The following BPNT1 variants were observed in gnomAD, a reference collection of about 807,000 sequenced individuals.
The protein encoded by BPNT1 is 3'(2'),5'-bisphosphate nucleotidase 1.
Under a neutral mutation model 36.9 loss-of-function variants are expected in BPNT1, and 28 were observed. The ratio of observed to expected loss-of-function variants is 0.76; its 90% CI spans 0.56 to 1.04. The LOEUF (loss-of-function observed/expected upper bound fraction) is 1.04, where lower values mean the gene tolerates loss of function less well. BPNT1 is among the 50% of genes least tolerant of loss of function. The pLI is 0.00. For synonymous variants in BPNT1, 119 were observed against 130.9 expected, an observed-to-expected ratio of 0.91 and a Z score of 0.62; for missense variants, 313 against 372.9, an observed-to-expected ratio of 0.84 and a Z score of 1.32.
rs368855554 is a variant in BPNT1 at position 220,082,691 on chromosome 1, AT to A, written c.-8-2838del. On this transcript the variant is annotated intron_variant, in intron 1 of 8. Coordinates refer to ENST00000322067, the MANE Select transcript of BPNT1 (RefSeq NM_006085.6). Reference sequence around the variant, plus strand: ...AACCTCTGTCTCCCAGGCTCAAGTGATTCTTGTGCTTCAGCCTCCCGAGTAG... The same window carrying A: ...AACCTCTGTCTCCCAGGCTCAAGTGATCTTGTGCTTCAGCCTCCCGAGTAG... Among the ~76,000 whole-genome samples the A allele has an allele frequency of 3.0e-4, 45 of 151,522 alleles. 1 individual carries two copies. In the South Asian group the frequency reaches 9.2e-3, roughly 31 times the overall value.
intron 8 of BPNT1, 50 bp downstream of exon 8, chr1:220,059,632 AGCAT>A: frequency 1.7e-5 from 21 of 1,267,352 alleles, no homozygotes; most frequent in Non-Finnish European, 2.4e-5. Context: ...ATTATGTCTT[AGCAT>A]GATATAATTG....
Position 220,062,930 on chromosome 1 carries a change from T to C in BPNT1, c.499A>G (p.Arg167Gly). ...YEAGPDAVLG[R>G]TIWGVLGLGA... ...AAACCTAAAACTCCCCAGATTGTCC[T>C]CCCCAACACAGCATCTGGTCCTGCC... Residue 167 changes from arginine to glycine, a missense_variant, in exon 7 of 9, where the codon AGG (arginine) becomes GGG (glycine). Transcript: ENST00000322067. The C allele has an allele frequency of 6.2e-7, 1 of 1,613,994 alleles. No homozygotes were observed. The highest frequency in any genetic ancestry group is 8.5e-7 in the Non-Finnish European group (1 of 1,180,002).
intron 7 of BPNT1, among the ~76,000 whole-genome samples, chr1:220,060,402 G>A (rs1662914881): frequency 6.6e-6 from 1 of 152,072 alleles, no homozygotes; most frequent in South Asian, 2.1e-4. Flanking sequence ...TTTGAACCTG[G>A]GAGGTGGAGG....
chr1:220,082,350 T>G (rs181419347), intron 1 of BPNT1, among the ~76,000 whole-genome samples: 2,553 of 151,334 alleles, frequency 0.017, 37 homozygotes, highest in South Asian at 0.08. Context: ...TCGGCTAATT[T>G]TTGTATTTTT....
intron 6 of BPNT1, among the ~76,000 whole-genome samples, chr1:220,066,385 A>G (rs951527704): frequency 6.6e-6 from 1 of 152,192 alleles, no homozygotes; most frequent in Non-Finnish European, 1.5e-5. Context: ...TTTCTCAATA[A>G]CATATAACTC....
chr1:220,079,473 C>A (rs1664907169), intron 2 of BPNT1, among the ~76,000 whole-genome samples: 4 of 151,990 alleles, frequency 2.6e-5, no homozygotes. Context: ...AGGCTGGTCT[C>A]AAACTCCTGA....
intron 4 of BPNT1, 43 bp from the exon 5 acceptor site, chr1:220,069,475 A>G (rs779901878): frequency 2.0e-6 from 3 of 1,477,704 alleles, no homozygotes; most frequent in Non-Finnish European, 2.8e-6. Context: ...AATCAAGCAC[A>G]CAAAATTCTA....
At chr1:220,068,696 C>T (rs1316615910) in intron 5 of BPNT1, among the ~76,000 whole-genome samples, 3 of 151,764 alleles carry the variant, frequency 2.0e-5, no homozygotes, top group African/African-American at 2.4e-5. Context: ...CTGTAATCCC[C>T]GCTACTTGGG....
At position 220,058,489 on chromosome 1, in the gene BPNT1, T is replaced by C. The variant is rs79236937; in HGVS notation, c.*355A>G. 1,046 of 987,678 alleles carry C rather than the reference T, an allele frequency of 1.1e-3. 4 individuals are homozygous for C. In the African/African-American group the frequency reaches 0.017, roughly 16 times the overall value. The allele number at this position is 987,678 out of a possible 1,614,324, so 61.2% of individuals were successfully genotyped here. On this transcript the variant is annotated 3_prime_UTR_variant, in exon 9 of 9. Transcript: ENST00000322067. Reference sequence around the variant, plus strand: ...TGTATTATTTTGAGAACCAAGTCTTTCTCCTAGCTAAGTAAATGAAACTTT... The same window carrying C: ...TGTATTATTTTGAGAACCAAGTCTTCCTCCTAGCTAAGTAAATGAAACTTT...
In BPNT1 at chr1:220,057,593, G is replaced by C; in HGVS notation, c.*1251C>G. ...ATAGTTTATGTTATAATCTCTCATT[G>C]GAAGGAATAGAAGCAAGTACTTAGC... On this transcript the variant is annotated 3_prime_UTR_variant, in exon 9 of 9. Coordinates refer to ENST00000322067, the MANE Select transcript of BPNT1 (RefSeq NM_006085.6). 1 of 206,574 alleles carries C rather than the reference G, an allele frequency of 4.8e-6. No homozygotes were observed. The highest frequency in any genetic ancestry group is 1.0e-5 in the Non-Finnish European group (1 of 97,850). The allele number at this position is 206,574 out of a possible 1,614,324, so 12.8% of individuals were successfully genotyped here. A position where few individuals can be genotyped will look rare whatever the true frequency, so the allele number is the denominator to read the frequency against.
At position 220,059,534 on chromosome 1, in the gene BPNT1, T is replaced by C. The variant is rs1278496452; in HGVS notation, c.778+152A>G. Reference sequence around the variant, plus strand: ...GAAAATCTGCTCTCTCATCCATCTATCATATGAGGGGTTTGGACTGGATAA... The same window carrying C: ...GAAAATCTGCTCTCTCATCCATCTACCATATGAGGGGTTTGGACTGGATAA... On this transcript the variant is annotated intron_variant, in intron 8 of 8. Coordinates refer to ENST00000322067, the MANE Select transcript of BPNT1 (RefSeq NM_006085.6). 7 of 508,382 alleles carry C rather than the reference T, an allele frequency of 1.4e-5. No individual in the cohort carries two copies. In the East Asian group the frequency reaches 2.3e-4, roughly 17 times the overall value. 31.5% of individuals were successfully genotyped at this position (508,382 alleles called of 1,614,324 possible). A position where few individuals can be genotyped will look rare whatever the true frequency, so the allele number is the denominator to read the frequency against.
At chr1:220,078,440 A>G (rs1571787556) in intron 2 of BPNT1, among the ~76,000 whole-genome samples, 2 of 138,170 alleles carry the variant, frequency 1.4e-5, no homozygotes, top group Non-Finnish European at 3.1e-5. Context: ...ATTATATATA[A>G]TAATTATACT....
Position 220,062,281 on chromosome 1 carries a change from T to C in BPNT1, c.672+476A>G, listed in dbSNP as rs1224582727. 2.8e-5 allele frequency among the ~76,000 whole-genome samples: 4 copies of C among 143,130 alleles called. No homozygotes were observed. The South Asian group carries it at 7.1e-4, about 25-fold the overall frequency. The allele number at this position is 143,130 out of a possible 152,430, so 93.9% of individuals were successfully genotyped here. On this transcript the variant is annotated intron_variant, in intron 7 of 8. Coordinates refer to ENST00000322067, the MANE Select transcript of BPNT1 (RefSeq NM_006085.6). The stretch of plus-strand genomic sequence containing the variant: ...TAGCATTAGGTATATCTCCCAATGC[T>C]ATCCCTCCCCCCTCCCCCCACCCCA...
In BPNT1 at chr1:220,079,898, A is replaced by G; in HGVS notation, c.-8-44T>C. ...AAATGTCTTGTTAGTTTCAAAGCCA[A>G]CTACTGGTTTTATTTATTTAAATCC... On this transcript the variant is annotated intron_variant, in intron 1 of 8. Coordinates refer to ENST00000322067, the MANE Select transcript of BPNT1 (RefSeq NM_006085.6). 8 of 1,579,658 alleles carry G rather than the reference A, an allele frequency of 5.1e-6. No homozygotes were observed. In the South Asian group the frequency reaches 9.2e-5, roughly 18 times the overall value.
chr1:220,060,005 T>C (rs1274540916), intron 7 of BPNT1, among the ~76,000 whole-genome samples: 1 of 152,304 alleles, frequency 6.6e-6, no homozygotes, highest in East Asian at 1.9e-4. Flanking sequence ...TATAGTGATA[T>C]GAAGGAAAAA....
chr1:220,076,283 C>T (rs188040070), intron 2 of BPNT1, among the ~76,000 whole-genome samples: 11 of 151,982 alleles, frequency 7.2e-5, no homozygotes, highest in Admixed American at 4.6e-4. Context: ...GGGCGGATGC[C>T]GAGGTCAGGA....
At chr1:220,073,601 C>T (rs1327277392) in intron 3 of BPNT1, among the ~76,000 whole-genome samples, 1 of 152,116 alleles carries the variant, frequency 6.6e-6, no homozygotes, top group African/African-American at 2.4e-5. Flanking sequence ...CTAATTCCCT[C>T]ATTTTCAAAG....
rs1663633015 is a variant in BPNT1 at position 220,067,396 on chromosome 1, G to A, written c.383-3C>T. ...AACTGTTACATTGTCAAGAAGACCT[G>A]CAAAGAAGAAATAAATATCAGTTAT... On this transcript the variant is annotated splice_polypyrimidine_tract_variant and splice_region_variant and intron_variant, in intron 5 of 8. Transcript: ENST00000322067. The A allele has an allele frequency of 2.5e-6, 4 of 1,592,760 alleles. No homozygotes were observed. Among genetic ancestry groups the A allele is most frequent in the African/African-American group, 1.3e-5 (1 of 74,146 alleles).
At position 220,076,625 on chromosome 1, in the gene BPNT1, C is replaced by T. The variant is rs192177706; in HGVS notation, c.121-2554G>A. Reference sequence around the variant, plus strand: ...GCTTGAACCTGGGAGGCAGAGGCTGCGGTGAGCTGAGATAACGCCATTGCA... The same window carrying T: ...GCTTGAACCTGGGAGGCAGAGGCTGTGGTGAGCTGAGATAACGCCATTGCA... On this transcript the variant is annotated intron_variant, in intron 2 of 8. Coordinates refer to ENST00000322067, the MANE Select transcript of BPNT1 (RefSeq NM_006085.6). Among the ~76,000 whole-genome samples the T allele has an allele frequency of 3.4e-3, 516 of 150,322 alleles. 1 individual carries two copies. Among genetic ancestry groups the T allele is most frequent in the Non-Finnish European group, 5.2e-3 (350 of 67,722 alleles).
Sources: allele counts gnomAD v4.1 joint callset (sites outside exome capture counted in the v4.1 genomes callset), GRCh38; gene constraint gnomAD v4.1.1; transcripts MANE v1.5; gene names NCBI Gene and HGNC (gene_info 2026-07-23, HGNC 2026-07-21).